TMEM132D: variants seen among roughly 807,000 people sequenced by gnomAD.
TMEM132D encodes the protein transmembrane protein 132D.
In TMEM132D, 21 loss-of-function variants were observed where a neutral mutation model predicts 62.3. The observed-to-expected ratio is 0.34, with a 90% CI of 0.24 to 0.49. The LOEUF is 0.49. Ranked by LOEUF, TMEM132D falls within the 20% of genes least tolerant of loss-of-function variation. The probability of loss-of-function intolerance (pLI) is 0.99; values close to 1 mark genes in which losing one functional copy is unlikely to be tolerated. For synonymous variants in TMEM132D, 621 were observed against 575.6 expected, an observed-to-expected ratio of 1.08 and a Z score of -1.13; for missense variants, 1,346 against 1,402.8, an observed-to-expected ratio of 0.96 and a Z score of 0.65.
At chr12:129,683,300 G>T (rs12426282) in intron 2 of TMEM132D, among the ~76,000 whole-genome samples, 3,336 of 152,240 alleles carry the variant, frequency 0.022, 169 homozygotes, top group South Asian at 0.12. Context: ...CTGGCCAGTT[G>T]TTTAACCTTT....
intron 8 of TMEM132D, among the ~76,000 whole-genome samples, chr12:129,075,318 C>CTT (rs541888959): frequency 0.028 from 4,080 of 143,572 alleles, 214 homozygotes; most frequent in African/African-American, 0.097. Context: ...AGAAGATTTG[C>CTT]TTTTTTTTTT....
intron 1 of TMEM132D, among the ~76,000 whole-genome samples, chr12:129,747,223 C>A (rs1440734917): frequency 5.6e-4 from 5 of 8,932 alleles, no homozygotes; most frequent in Non-Finnish European, 1.7e-3. Flanking sequence ...CTTCCAGCCA[C>A]CCTGTCCTCT....
At chr12:129,190,150 A>AC (rs1878346197) in intron 5 of TMEM132D, among the ~76,000 whole-genome samples, 1 of 32,356 alleles carries the variant, frequency 3.1e-5, no homozygotes, top group Non-Finnish European at 6.4e-5. Context: ...AGGGGGTCTC[A>AC]GGCCTGCAGA....
intron 2 of TMEM132D, among the ~76,000 whole-genome samples, chr12:129,660,628 C>G (rs1345009445): frequency 6.6e-6 from 1 of 152,066 alleles, no homozygotes; most frequent in Non-Finnish European, 1.5e-5. Flanking sequence ...CGCCATGAAG[C>G]CTGCATGTAA....
At chr12:129,672,715 A>C (rs546066552) in intron 2 of TMEM132D, among the ~76,000 whole-genome samples, 1 of 152,302 alleles carries the variant, frequency 6.6e-6, no homozygotes, top group South Asian at 2.1e-4. Flanking sequence ...ATATGTATAT[A>C]TAAATATTTT....
chr12:129,679,003 A>C (rs116335916), intron 2 of TMEM132D, among the ~76,000 whole-genome samples: 3,806 of 151,872 alleles, frequency 0.025, 157 homozygotes, highest in African/African-American at 0.085. Context: ...ATACTATTTT[A>C]ATTTCTATTA....
chr12:129,637,650 G>C (rs190626010), intron 2 of TMEM132D, among the ~76,000 whole-genome samples: 1 of 152,246 alleles, frequency 6.6e-6, no homozygotes, highest in African/African-American at 2.4e-5. Flanking sequence ...GCGGAGACTG[G>C]GTAATTTATA....
chr12:129,685,175 C>A (rs533023815), intron 2 of TMEM132D, among the ~76,000 whole-genome samples: 18 of 152,248 alleles, frequency 1.2e-4, no homozygotes, highest in African/African-American at 3.9e-4. Context: ...AACGGGGAGC[C>A]AAATGTTAAT....
At chr12:129,771,185 G>A (rs1219733816) in intron 1 of TMEM132D, among the ~76,000 whole-genome samples, 1 of 152,216 alleles carries the variant, frequency 6.6e-6, no homozygotes, top group Non-Finnish European at 1.5e-5. Flanking sequence ...GTACTCCCCA[G>A]GCGGATGATG....
At chr12:129,246,142 C>T (rs1179778291) in intron 4 of TMEM132D, among the ~76,000 whole-genome samples, 2 of 152,098 alleles carry the variant, frequency 1.3e-5, no homozygotes, top group Non-Finnish European at 2.9e-5. Context: ...AAGTTATGCT[C>T]ATGTGCAGAC....
rs1223123185 is a variant in TMEM132D at position 129,771,820 on chromosome 12, T to C, written c.80-71122A>G. Among the ~76,000 whole-genome samples the C allele has an allele frequency of 2.6e-5, 4 of 152,232 alleles. No individual in the cohort carries two copies. The South Asian group carries it at 6.2e-4, about 24-fold the overall frequency. On this transcript the variant is annotated intron_variant, in intron 1 of 8. Transcript: ENST00000422113. Reference sequence around the variant, plus strand: ...CCTGTCAATCATATTCACACACATATACATGCATGAAAGTTTAACAGAACC... The same window carrying C: ...CCTGTCAATCATATTCACACACATACACATGCATGAAAGTTTAACAGAACC...
rs114205273 is a variant in TMEM132D at position 129,560,979 on chromosome 12, G to C, written c.969-29774C>G. Among the ~76,000 whole-genome samples, 1,088 of 152,266 alleles carry C rather than the reference G, an allele frequency of 7.1e-3. 16 individuals carry two copies. Among genetic ancestry groups the C allele is most frequent in the African/African-American group, 0.025 (1,031 of 41,538 alleles). The stretch of plus-strand genomic sequence containing the variant: ...GTATGAACTACTTCTCTGCCCAGTA[G>C]ATATTAGTGAATGGTGGCAACAGAC... On this transcript the variant is annotated intron_variant, in intron 2 of 8. Coordinates refer to ENST00000422113, the MANE Select transcript of TMEM132D (RefSeq NM_133448.3).
intron 1 of TMEM132D, among the ~76,000 whole-genome samples, chr12:129,737,620 T>C (rs907457290): frequency 2.0e-5 from 3 of 152,160 alleles, no homozygotes; most frequent in African/African-American, 4.8e-5. Context: ...GCTGATGTTG[T>C]CCTTTTCATT....
In TMEM132D at chr12:129,311,137, G is replaced by A. The variant is rs1185823297; in HGVS notation, c.1299+26497C>T. On this transcript the variant is annotated intron_variant, in intron 4 of 8. Transcript: ENST00000422113. ...GGCGTGAACCCGGGAGGCGGAGCTT[G>A]CAGTGAGCCGAGATCGCGCCACTGC... Among the ~76,000 whole-genome samples the A allele has an allele frequency of 2.1e-5, 2 of 94,360 alleles. 1 individual carries two copies. The highest frequency in any genetic ancestry group is 3.8e-5 in the Non-Finnish European group (2 of 52,762). 61.9% of individuals were successfully genotyped at this position (94,360 alleles called of 152,430 possible). A position where few individuals can be genotyped will look rare whatever the true frequency, so the allele number is the denominator to read the frequency against.
chr12:129,846,178 A>G (rs1054954464), intron 1 of TMEM132D, among the ~76,000 whole-genome samples: 1 of 152,130 alleles, frequency 6.6e-6, no homozygotes, highest in African/African-American at 2.4e-5. Flanking sequence ...AAACTGACCT[A>G]AGTTTATCTA....
chr12:129,835,665 C>G (rs1182803403), intron 1 of TMEM132D, among the ~76,000 whole-genome samples: 1 of 152,186 alleles, frequency 6.6e-6, no homozygotes, highest in African/African-American at 2.4e-5. Flanking sequence ...TTGTAAAATG[C>G]TAAATCCTTG....
chr12:129,449,978 G>A (rs189730254), intron 3 of TMEM132D, among the ~76,000 whole-genome samples: 2 of 152,290 alleles, frequency 1.3e-5, no homozygotes, highest in African/African-American at 2.4e-5. Flanking sequence ...GATCAGTGAT[G>A]AGCTTTTTTC....
At chr12:129,184,045 G>GA (rs937307087) in intron 5 of TMEM132D, among the ~76,000 whole-genome samples, 13 of 151,392 alleles carry the variant, frequency 8.6e-5, no homozygotes, top group Non-Finnish European at 1.5e-4. Context: ...ACCACAGTGA[G>GA]AAAAAAAAAG....
intron 3 of TMEM132D, among the ~76,000 whole-genome samples, chr12:129,469,791 C>T (rs925204358): frequency 1.3e-5 from 2 of 152,136 alleles, no homozygotes; most frequent in African/African-American, 4.8e-5. Context: ...AGATTTAAAC[C>T]ACAGAGTCAC....
Sources: gnomAD v4.1 joint callset for allele counts (sites outside exome capture counted in the v4.1 genomes callset) on GRCh38, gnomAD v4.1.1 for gene constraint, MANE v1.5 for transcripts, NCBI Gene and HGNC (gene_info 2026-07-23, HGNC 2026-07-21) for gene names.